LRRC37A2: variants seen among roughly 807,000 people sequenced by gnomAD.
The protein encoded by LRRC37A2 is leucine rich repeat containing 37 member A2.
LRRC37A2 carries 9 observed loss-of-function variants against 68.8 expected under a neutral mutation model. The ratio of observed to expected loss-of-function variants is 0.13; its 90% CI spans 0.08 to 0.23. The LOEUF is 0.23. LRRC37A2 is among the 10% of genes least tolerant of loss of function. LRRC37A2 has a pLI of 1.00. For missense variants in LRRC37A2, 168 were observed against 950.4 expected, an observed-to-expected ratio of 0.18 and a Z score of 10.82; for synonymous variants, 63 against 367.6, an observed-to-expected ratio of 0.17 and a Z score of 9.48.
the LRRC37A2 span, among the ~76,000 whole-genome samples, chr17:46,680,745 TATA>T: frequency 5.4e-5 from 4 of 73,492 alleles, no homozygotes; most frequent in Non-Finnish European, 2.7e-5. Flanking sequence ...AAAAGTCTTG[TATA>T]ATAAGAAAAA....
At chr17:46,871,826 C>A in the LRRC37A2 span, among the ~76,000 whole-genome samples, 1 of 152,326 alleles carries the variant, frequency 6.6e-6, no homozygotes, top group South Asian at 2.1e-4. Context: ...TCCATCAGTC[C>A]TTCCTTCCTT....
chr17:46,750,444 A>T, the LRRC37A2 span, among the ~76,000 whole-genome samples: 4 of 152,180 alleles, frequency 2.6e-5, no homozygotes, highest in African/African-American at 9.7e-5. Context: ...AGCGTCTCTA[A>T]TCTGGAAATC....
chr17:46,796,704 G>T, the LRRC37A2 span, among the ~76,000 whole-genome samples: 1 of 152,224 alleles, frequency 6.6e-6, no homozygotes, highest in African/African-American at 2.4e-5. Context: ...GACAGCCCGG[G>T]TGTCCCCTGG....
the LRRC37A2 span, among the ~76,000 whole-genome samples, chr17:47,027,144 C>T: frequency 3.9e-5 from 6 of 152,090 alleles, no homozygotes; most frequent in Non-Finnish European, 8.8e-5. Flanking sequence ...ATATCCTGAC[C>T]TCAGGATCTG....
At chr17:46,862,473 T>C in the LRRC37A2 span, among the ~76,000 whole-genome samples, 2 of 152,164 alleles carry the variant, frequency 1.3e-5, no homozygotes, top group African/African-American at 4.8e-5. Context: ...AAACTTGTAG[T>C]TTTCTGAGTT....
At chr17:46,631,082 A>ACACACACACG in the LRRC37A2 span, among the ~76,000 whole-genome samples, 20 of 142,162 alleles carry the variant, frequency 1.4e-4, no homozygotes, top group East Asian at 8.8e-4. Context: ...ACACACACAC[A>ACACACACACG]CACACACACA....
At chr17:46,893,012 T>C in the LRRC37A2 span, among the ~76,000 whole-genome samples, 1 of 152,056 alleles carries the variant, frequency 6.6e-6, no homozygotes, top group African/African-American at 2.4e-5. Flanking sequence ...CTTGGCACAC[T>C]GCAACCTCTG....
At chr17:47,044,881 A>G in the LRRC37A2 span, among the ~76,000 whole-genome samples, 2 of 144,302 alleles carry the variant, frequency 1.4e-5, no homozygotes, top group Admixed American at 6.9e-5. Flanking sequence ...GCGTGGTGGC[A>G]CACACCTGTA....
chr17:46,878,265 C>T, the LRRC37A2 span, among the ~76,000 whole-genome samples: 3 of 152,232 alleles, frequency 2.0e-5, no homozygotes, highest in Non-Finnish European at 4.4e-5. Flanking sequence ...CCTAGAGTTG[C>T]TGACCCTTCA....
chr17:46,928,128 G>T, the LRRC37A2 span, among the ~76,000 whole-genome samples: 2 of 152,044 alleles, frequency 1.3e-5, no homozygotes, highest in Non-Finnish European at 2.9e-5. Flanking sequence ...GGAAGCAACG[G>T]CCTGGTCTCG....
chr17:46,936,219 C>G, the LRRC37A2 span: 1 of 985,308 alleles, frequency 1.0e-6, no homozygotes, highest in African/African-American at 1.7e-5. Context: ...ATTAGTCTGC[C>G]CTTTCTTTAG....
the LRRC37A2 span, among the ~76,000 whole-genome samples, chr17:46,749,323 A>G: frequency 6.6e-6 from 1 of 152,208 alleles, no homozygotes; most frequent in East Asian, 1.9e-4. Context: ...TTTACAGTTC[A>G]GTGTTGCATA....
the LRRC37A2 span, among the ~76,000 whole-genome samples, chr17:46,788,362 G>C: frequency 1.3e-5 from 2 of 152,176 alleles, no homozygotes; most frequent in African/African-American, 4.8e-5. Flanking sequence ...ACCTTACAGA[G>C]TTAGGCTGCC....
chr17:46,971,581 G>A, the LRRC37A2 span, among the ~76,000 whole-genome samples: 719 of 152,296 alleles, frequency 4.7e-3, 8 homozygotes, highest in African/African-American at 0.017. Flanking sequence ...GTATGTACAT[G>A]TAGGAGCTTT....
chr17:46,824,008 C>T, the LRRC37A2 span, among the ~76,000 whole-genome samples: 11 of 152,206 alleles, frequency 7.2e-5, no homozygotes, highest in Non-Finnish European at 1.6e-4. Flanking sequence ...TCAGGTCTCT[C>T]TTCCTGCCCC....
chr17:46,978,564 G>A, the LRRC37A2 span: 1 of 1,476,858 alleles, frequency 6.8e-7, no homozygotes, highest in Non-Finnish European at 9.0e-7. Context: ...GGCGGCGGCA[G>A]AGCGCAGAGA....
the LRRC37A2 span, among the ~76,000 whole-genome samples, chr17:46,714,588 C>A: frequency 6.6e-6 from 1 of 152,154 alleles, no homozygotes. Context: ...GCTGAAAAGA[C>A]TGTAAGACCA....
the LRRC37A2 span, among the ~76,000 whole-genome samples, chr17:46,820,259 AG>A: frequency 6.6e-6 from 1 of 152,068 alleles, no homozygotes; most frequent in Non-Finnish European, 1.5e-5. Flanking sequence ...AAGGGTCGGG[AG>A]AGCCGCCTGG....
At chr17:46,786,202 A>C in the LRRC37A2 span, among the ~76,000 whole-genome samples, 1 of 151,910 alleles carries the variant, frequency 6.6e-6, no homozygotes, top group Non-Finnish European at 1.5e-5. Context: ...GGGAGGAGGA[A>C]AGAGAGTGGA....
Sources: allele counts gnomAD v4.1 joint callset (sites outside exome capture counted in the v4.1 genomes callset), GRCh38; gene constraint gnomAD v4.1.1; transcripts MANE v1.5; gene names NCBI Gene and HGNC (gene_info 2026-07-23, HGNC 2026-07-21).